TNIK: variants seen among roughly 807,000 people sequenced by gnomAD.
TNIK encodes the protein TRAF2 and NCK interacting kinase.
In TNIK, 49 loss-of-function variants were observed where a neutral mutation model predicts 191.3. The ratio of observed to expected loss-of-function variants is 0.26; its 90% confidence interval spans 0.20 to 0.32. The LOEUF (loss-of-function observed/expected upper bound fraction) is 0.32, where lower values mean the gene tolerates loss of function less well. Ranked by LOEUF, TNIK falls within the 10% of genes least tolerant of loss-of-function variation. The pLI, the probability that TNIK is intolerant of heterozygous loss-of-function variation, is 1.00. For missense variants in TNIK, 1,155 were observed against 1,702.3 expected (o/e 0.68, Z 5.66); for synonymous variants, 594 against 600.9 (o/e 0.99, Z 0.17).
At chr3:171,074,896 T>G (rs534999828) in intron 28 of TNIK, among the ~76,000 whole-genome samples, 1 of 152,322 alleles carries the variant, frequency 6.6e-6, no homozygotes, top group East Asian at 1.9e-4. Context: ...AGTTTTCTGA[T>G]AGAGAATTAC....
At chr3:171,347,096 C>T (rs748029902) in intron 2 of TNIK, 5 of 1,498,126 alleles carry the variant, frequency 3.3e-6, no homozygotes, top group Non-Finnish European at 4.4e-6. Context: ...AGAGAGAAAT[C>T]AGGAACCATT....
intron 2 of TNIK, among the ~76,000 whole-genome samples, chr3:171,317,616 C>T (rs569067638): frequency 3.1e-4 from 47 of 152,230 alleles, no homozygotes; most frequent in Admixed American, 9.8e-4. Flanking sequence ...CTGGACAGAG[C>T]GTGAGTGAAC....
intron 2 of TNIK, among the ~76,000 whole-genome samples, chr3:171,358,976 T>C (rs1265586890): frequency 1.3e-5 from 2 of 151,810 alleles, no homozygotes; most frequent in African/African-American, 4.8e-5. Context: ...GTATGGGGAG[T>C]TAATATTTAA....
rs1181175731 is a variant in TNIK, at chr3:171,157,832, A to T, written c.1017-168T>A. Among the ~76,000 whole-genome samples, 3 of 152,192 alleles carry T rather than the reference A, an allele frequency of 2.0e-5. No individual in the cohort carries two copies. In the East Asian group the frequency reaches 5.8e-4, roughly 29 times the overall value. ...CAATCATTCACCCCAAAGAAACAGC[A>T]TCAGGATAAGAGACCTGCCTCCCTT... On this transcript the variant is annotated intron_variant, in intron 11 of 32. Transcript: ENST00000436636.
intron 7 of TNIK, among the ~76,000 whole-genome samples, chr3:171,185,817 ACT>A (rs1330196034): frequency 6.6e-6 from 1 of 152,106 alleles, no homozygotes; most frequent in African/African-American, 2.4e-5. Context: ...ACTAAGCTAT[ACT>A]CTTTTTCTTT....
At chr3:171,316,095 G>A (rs993742098) in intron 2 of TNIK, among the ~76,000 whole-genome samples, 4 of 152,100 alleles carry the variant, frequency 2.6e-5, no homozygotes, top group African/African-American at 9.7e-5. Context: ...CATAGCTGCA[G>A]TTTTAGCTTT....
chr3:171,194,041 T>C (rs67706720), intron 5 of TNIK, among the ~76,000 whole-genome samples: 35,595 of 152,120 alleles, frequency 0.23, 4,702 homozygotes, highest in East Asian at 0.49. Flanking sequence ...CTAGGTTGTA[T>C]GTATAGGAAT....
chr3:171,289,671 G>T (rs542346103), intron 2 of TNIK, among the ~76,000 whole-genome samples: 6 of 152,164 alleles, frequency 3.9e-5, no homozygotes, highest in Non-Finnish European at 8.8e-5. Context: ...GGAGGCTGAG[G>T]CAGGCAGATC....
At chr3:171,355,718 GAAT>G (rs771582242) in intron 2 of TNIK, among the ~76,000 whole-genome samples, 24 of 152,304 alleles carry the variant, frequency 1.6e-4, no homozygotes, top group Non-Finnish European at 3.4e-4. Flanking sequence ...GGAAAAAAGT[GAAT>G]AATGTGATCC....
At chr3:171,088,051 A>G (rs1465213960) in intron 23 of TNIK, among the ~76,000 whole-genome samples, 2 of 152,224 alleles carry the variant, frequency 1.3e-5, no homozygotes, top group Non-Finnish European at 2.9e-5. Context: ...ATCTGACAGG[A>G]GTTCCAAATA....
At chr3:171,400,167 G>T (rs556890383) in intron 1 of TNIK, among the ~76,000 whole-genome samples, 2 of 152,112 alleles carry the variant, frequency 1.3e-5, no homozygotes, top group Non-Finnish European at 2.9e-5. Context: ...TTGCCATCTA[G>T]GACAAAAATC....
At chr3:171,127,149 A>T (rs1022328386) in intron 16 of TNIK, among the ~76,000 whole-genome samples, 1 of 152,226 alleles carries the variant, frequency 6.6e-6, no homozygotes, top group Non-Finnish European at 1.5e-5. Flanking sequence ...GTGCCTTCTA[A>T]ATTACACTGT....
chr3:171,326,360 A>C (rs1222033378), intron 2 of TNIK, among the ~76,000 whole-genome samples: 2 of 152,194 alleles, frequency 1.3e-5, no homozygotes, highest in African/African-American at 4.8e-5. Context: ...TTATAGACAG[A>C]CACACAAAAG....
chr3:171,164,710 C>T (rs1279670521), intron 10 of TNIK, among the ~76,000 whole-genome samples: 1 of 152,234 alleles, frequency 6.6e-6, no homozygotes, highest in African/African-American at 2.4e-5. Flanking sequence ...ATGTCTGACA[C>T]ACTGCCCTAA....
intron 6 of TNIK, among the ~76,000 whole-genome samples, 177 bp from the exon 7 acceptor site, chr3:171,189,009 C>T (rs975048607): frequency 1.2e-4 from 19 of 152,196 alleles, no homozygotes; most frequent in Non-Finnish European, 2.5e-4. Context: ...GTGCAACCTT[C>T]ACCACTGTCC....
chr3:171,432,015 A>G lies in TNIK; in HGVS notation c.57+27992T>C, dbSNP rs1430421998. 3.3e-5 allele frequency among the ~76,000 whole-genome samples: 5 copies of G among 152,378 alleles called. No individual in the cohort carries two copies. In the East Asian group the frequency reaches 9.6e-4, roughly 29 times the overall value. On this transcript the variant is annotated intron_variant, in intron 1 of 32. Coordinates refer to ENST00000436636, the MANE Select transcript of TNIK (RefSeq NM_015028.4). The stretch of plus-strand genomic sequence containing the variant: ...CAGAAGAAAACATGCAAAACGTAAT[A>G]TATAAAAATTTTAGTATGCATTTTT...
intron 2 of TNIK, among the ~76,000 whole-genome samples, chr3:171,341,797 G>A (rs1024170087): frequency 2.0e-5 from 3 of 152,154 alleles, no homozygotes; most frequent in Admixed American, 2.0e-4. Flanking sequence ...TAATCCATAC[G>A]TTCATTCCAG....
At chr3:171,303,542 T>C (rs1300888622) in intron 2 of TNIK, among the ~76,000 whole-genome samples, 1 of 152,232 alleles carries the variant, frequency 6.6e-6, no homozygotes, top group Non-Finnish European at 1.5e-5. Context: ...TGTAAACATA[T>C]GCATATAGAA....
intron 2 of TNIK, among the ~76,000 whole-genome samples, chr3:171,262,763 T>C (rs896306049): frequency 6.6e-6 from 1 of 152,266 alleles, no homozygotes; most frequent in South Asian, 2.1e-4. Context: ...AATTTTGTTC[T>C]AATATCCATG....
Sources: allele counts gnomAD v4.1 joint callset (sites outside exome capture counted in the v4.1 genomes callset), GRCh38; gene constraint gnomAD v4.1.1; transcripts MANE v1.5; gene names NCBI Gene and HGNC (gene_info 2026-07-23, HGNC 2026-07-21).